UBR3: variants seen among roughly 807,000 people sequenced by gnomAD.
UBR3 encodes ubiquitin protein ligase E3 component n-recognin 3.
Under a neutral mutation model 243.2 loss-of-function variants are expected in UBR3, and 85 were observed. The ratio of observed to expected loss-of-function variants is 0.35; its 90% CI spans 0.29 to 0.42. The LOEUF (loss-of-function observed/expected upper bound fraction) is 0.42. Among genes scored for constraint, UBR3 ranks in the 10% least tolerant of loss-of-function variants. UBR3 has a pLI of 1.00. For missense variants in UBR3, 1,686 were observed against 2,300.8 expected (o/e 0.73, Z 5.47); for synonymous variants, 748 against 799.8 (o/e 0.94, Z 1.09).
intron 1 of UBR3, among the ~76,000 whole-genome samples, chr2:169,834,524 A>G (rs114570359): frequency 6.6e-6 from 1 of 152,368 alleles, no homozygotes; most frequent in African/African-American, 2.4e-5. Context: ...CCAACAATGT[A>G]TGAAACAATT....
chr2:169,844,290 C>A (rs1202262406), intron 1 of UBR3, among the ~76,000 whole-genome samples: 1 of 152,182 alleles, frequency 6.6e-6, no homozygotes, highest in Non-Finnish European at 1.5e-5. Context: ...TGAGCCACTG[C>A]ACCCGGCCTC....
chr2:169,901,197 A>G (rs1461368305), intron 8 of UBR3, among the ~76,000 whole-genome samples: 1 of 152,106 alleles, frequency 6.6e-6, no homozygotes. Flanking sequence ...ATCATATTAT[A>G]TGGTATCAGT....
At chr2:169,940,373 A>T (rs1483273936) in intron 19 of UBR3, among the ~76,000 whole-genome samples, 2 of 152,104 alleles carry the variant, frequency 1.3e-5, no homozygotes, top group Non-Finnish European at 2.9e-5. Flanking sequence ...CTGAATTTCT[A>T]AGAGCATAGC....
At chr2:169,944,810 T>C (rs1178529430) in intron 20 of UBR3, among the ~76,000 whole-genome samples, 1 of 152,192 alleles carries the variant, frequency 6.6e-6, no homozygotes, top group Non-Finnish European at 1.5e-5. Flanking sequence ...TAATGTTTTA[T>C]TTATCAAGAG....
At chr2:170,041,886 A>G (rs1474732987) in intron 32 of UBR3, among the ~76,000 whole-genome samples, 7 of 152,250 alleles carry the variant, frequency 4.6e-5, no homozygotes, top group Admixed American at 4.6e-4. Context: ...TAAAAAGTAA[A>G]ACAATATCAT....
At chr2:169,896,389 C>T in intron 7 of UBR3, 118 bp from the exon 8 acceptor site, 3 of 590,158 alleles carry the variant, frequency 5.1e-6, no homozygotes, top group Admixed American at 3.9e-5. Context: ...TTTAAGTTAT[C>T]TTGGGCATTA....
Position 170,001,368 on chromosome 2 carries a change from A to C in UBR3, c.3983A>C (p.His1328Pro). The change falls in exon 27 of 39, where the codon CAC becomes CCC. Residue 1328 changes from histidine (H) to proline (P), a missense_variant. His to Pro is a moderately conservative substitution (Grantham distance 77). Coordinates refer to ENST00000272793, the MANE Select transcript of UBR3 (RefSeq NM_172070.4). ...GGTGTTTATGTACAAACCTGTGGTC[A>C]CACATTACATATAGATTGTCATAAA... ...EGGVYVQTCG[H>P]TLHIDCHKSY... 6.2e-7 allele frequency: 1 copy of C among 1,613,912 alleles called. No homozygotes were observed. Among genetic ancestry groups the C allele is most frequent in the Non-Finnish European group, 8.5e-7 (1 of 1,179,892 alleles).
chr2:170,043,040 ATTGTGC>A (rs2091006476), intron 32 of UBR3, among the ~76,000 whole-genome samples: 1 of 152,086 alleles, frequency 6.6e-6, no homozygotes, highest in African/African-American at 2.4e-5. Context: ...TTTACTCCTG[ATTGTGC>A]TCTTCTAATT....
chr2:169,924,257 A>T, intron 13 of UBR3, 84 bp downstream of exon 13: 2 of 1,027,916 alleles, frequency 1.9e-6, no homozygotes, highest in Non-Finnish European at 2.7e-6. Context: ...TTTCATTGTT[A>T]TTATAGCTGA....
intron 25 of UBR3, among the ~76,000 whole-genome samples, chr2:169,993,470 C>G (rs1316140004): frequency 3.3e-5 from 5 of 152,172 alleles, no homozygotes; most frequent in African/African-American, 4.8e-5. Flanking sequence ...AACAGTTTCT[C>G]TAGCCCCTTT....
intron 24 of UBR3, among the ~76,000 whole-genome samples, chr2:169,975,373 C>G (rs774576597): frequency 2.6e-5 from 4 of 152,064 alleles, no homozygotes; most frequent in Non-Finnish European, 4.4e-5. Flanking sequence ...TTTGGCCTAA[C>G]GTGATCTATC....
At chr2:169,999,092 G>A (rs753443612) in intron 26 of UBR3, among the ~76,000 whole-genome samples, 57 of 152,106 alleles carry the variant, frequency 3.7e-4, no homozygotes, top group Non-Finnish European at 6.8e-4. Context: ...TTGTGTAGAC[G>A]AATGACTCAT....
At chr2:169,977,547 C>G (rs946094350) in intron 24 of UBR3, among the ~76,000 whole-genome samples, 3 of 152,096 alleles carry the variant, frequency 2.0e-5, no homozygotes, top group Non-Finnish European at 2.9e-5. Context: ...GGCCAAAGAA[C>G]CTGTGTCAAA....
At chr2:170,003,636 CAG>C (rs1465194646) in intron 27 of UBR3, among the ~76,000 whole-genome samples, 5 of 151,902 alleles carry the variant, frequency 3.3e-5, no homozygotes, top group Non-Finnish European at 7.4e-5. Context: ...TAGGTATACA[CAG>C]AGTCTTTTTT....
Position 170,061,071 on chromosome 2 carries a change from T to C in UBR3, c.4786-8T>C. Reference sequence around the variant, plus strand: ...TGACCAGTGTAACCAATATTTTAATTTTTTCAGAGTACATGTGATGCAGAA... The same window carrying C: ...TGACCAGTGTAACCAATATTTTAATCTTTTCAGAGTACATGTGATGCAGAA... On this transcript the variant is annotated splice_region_variant and splice_polypyrimidine_tract_variant and intron_variant, in intron 33 of 38. Coordinates refer to ENST00000272793, the MANE Select transcript of UBR3 (RefSeq NM_172070.4). 2 of 1,521,984 alleles carry C rather than the reference T, an allele frequency of 1.3e-6. No homozygotes were observed. The highest frequency in any genetic ancestry group is 2.7e-5 in the South Asian group (2 of 74,920). The allele number at this position is 1,521,984 out of a possible 1,614,324, so 94.3% of individuals were successfully genotyped here.
intron 24 of UBR3, among the ~76,000 whole-genome samples, chr2:169,983,221 G>A (rs2088829965): frequency 7.0e-6 from 1 of 143,204 alleles, no homozygotes; most frequent in African/African-American, 2.6e-5. Context: ...GTTTTGGAAG[G>A]CATATTGTTG....
At chr2:169,853,450 TTCC>T (rs141776572) in intron 1 of UBR3, among the ~76,000 whole-genome samples, 6,493 of 152,018 alleles carry the variant, frequency 0.043, 154 homozygotes, top group Middle Eastern at 0.068. Flanking sequence ...CTTTTTCTTC[TTCC>T]TCTTCTTTTT....
At chr2:169,908,401 G>A (rs1410463509) in intron 10 of UBR3, among the ~76,000 whole-genome samples, 1 of 152,056 alleles carries the variant, frequency 6.6e-6, no homozygotes, top group Non-Finnish European at 1.5e-5. Flanking sequence ...CTCCAGTCAG[G>A]TTTGTTTTCA....
chr2:169,983,380 C>A (rs1574337356), intron 24 of UBR3, among the ~76,000 whole-genome samples: 1 of 150,986 alleles, frequency 6.6e-6, no homozygotes, highest in Non-Finnish European at 1.5e-5. Flanking sequence ...CTTGTCTCAG[C>A]CTCCTGAGTA....
Sources: allele counts gnomAD v4.1 joint callset (sites outside exome capture counted in the v4.1 genomes callset), GRCh38; gene constraint gnomAD v4.1.1; transcripts MANE v1.5; gene names NCBI Gene and HGNC (gene_info 2026-07-23, HGNC 2026-07-21).